The following BGN variants were observed in gnomAD, a reference collection of about 807,000 sequenced individuals.
The protein encoded by BGN is biglycan, also known as bone/cartilage proteoglycan-I.
Under a neutral mutation model 20.0 loss-of-function variants are expected in BGN, and 6 were observed. The ratio of observed to expected loss-of-function variants is 0.30; its 90% confidence interval spans 0.16 to 0.59. BGN has a LOEUF of 0.59. Among genes scored for constraint, BGN ranks in the 20% least tolerant of loss-of-function variants. The pLI is 0.88. For missense variants in BGN, 292 were observed against 312.1 expected, an observed-to-expected ratio of 0.94 and a Z score of 0.49; for synonymous variants, 146 against 134.6, an observed-to-expected ratio of 1.08 and a Z score of -0.59.
Position 153,505,366 on chromosome X carries a change from G to C in BGN, c.351+16G>C, listed in dbSNP as rs1602982604. 1 of 1,173,162 alleles carries C rather than the reference G, an allele frequency of 8.5e-7. No homozygotes were observed. The highest frequency in any genetic ancestry group is 3.0e-5 in the East Asian group (1 of 33,357). On this transcript the variant is annotated intron_variant, in intron 3 of 7. Coordinates refer to ENST00000331595, the MANE Select transcript of BGN (RefSeq NM_001711.6). The stretch of plus-strand genomic sequence containing the variant: ...GCACCTCTACGTAAGGAGCTGGGAG[G>C]AACCAGCAGGCCTACAGCAGAGGGC...
chrX:153,508,179 C>A, intron 7 of BGN, 69 bp from the exon 8 acceptor site: 1 of 1,129,579 alleles, frequency 8.9e-7, no homozygotes, highest in Non-Finnish European at 1.2e-6. Flanking sequence ...CAGCAAAATG[C>A]CTCCTGGAGG....
In BGN at chrX:153,506,928, G is replaced by A; in HGVS notation, c.770+5G>A. The A allele has an allele frequency of 8.3e-7, 1 of 1,210,357 alleles. No homozygotes were observed. Among genetic ancestry groups the A allele is most frequent in the South Asian group, 1.8e-5 (1 of 56,963 alleles). ...TCGCTACTCCAAGCTGTACAGGTGA[G>A]GCCAGCAGGGCACCGCCCAAGGGTG... On this transcript the variant is annotated splice_donor_5th_base_variant and intron_variant, in intron 6 of 7. Transcript: ENST00000331595.
At chrX:153,504,951 C>A in intron 2 of BGN, 82 bp downstream of exon 2, 2 of 962,089 alleles carry the variant, frequency 2.1e-6, no homozygotes, top group Non-Finnish European at 2.9e-6. Context: ...GGGACACATG[C>A]TGGTCCTGTG....
In BGN at chrX:153,508,259, G is replaced by A. The variant is rs1379935876; in HGVS notation, c.921G>A (p.Leu307=). ...PDLKLLQVVY[L]HSNNITKVGV... is the part of the protein sequence containing the mutation. ...CTCTCTGCCTTCAGGTGGTCTATCT[G>A]CACTCCAACAACATCACCAAAGTGG... The change falls in exon 8 of 8, where the codon CTG becomes CTA. Residue 307 remains leucine, a synonymous_variant. Coordinates refer to ENST00000331595, the MANE Select transcript of BGN (RefSeq NM_001711.6). The A allele has an allele frequency of 3.3e-6, 4 of 1,210,691 alleles. No homozygotes were observed. Among genetic ancestry groups the A allele is most frequent in the Non-Finnish European group, 4.5e-6 (4 of 895,285 alleles).
At chrX:153,505,736 T>A in intron 3 of BGN, 127 bp from the exon 4 acceptor site, 1 of 561,070 alleles carries the variant, frequency 1.8e-6, no homozygotes, top group East Asian at 3.8e-5. Flanking sequence ...TGCCCTGCAC[T>A]CTGCTCACAA....
At chrX:153,507,238 G>A (rs966698727) in intron 7 of BGN, 53 bp downstream of exon 7, 52 of 1,145,983 alleles carry the variant, frequency 4.5e-5, no homozygotes, top group Non-Finnish European at 5.5e-5. Flanking sequence ...TGGGGGAGGC[G>A]TGTGTGTCCC....
intron 1 of BGN, chrX:153,495,546 G>A (rs2089706395): frequency 8.9e-6 from 1 of 112,214 alleles, no homozygotes; most frequent in Admixed American, 9.3e-5. Flanking sequence ...GCTCTGCCCA[G>A]GCGCCTCCTT....
chrX:153,507,372 G>A (rs782773546), intron 7 of BGN, among the ~76,000 whole-genome samples, 187 bp downstream of exon 7: 37 of 112,761 alleles, frequency 3.3e-4, no homozygotes, highest in African/African-American at 1.0e-3. Flanking sequence ...GGTGGATACC[G>A]AGCAAGGCAG....
chrX:153,504,160 G>A (rs1241397982), intron 1 of BGN, among the ~76,000 whole-genome samples: 1 of 112,007 alleles, frequency 8.9e-6, no homozygotes, highest in East Asian at 2.8e-4. Flanking sequence ...GGATCGGCCC[G>A]GGTAGGAGGC....
At chrX:153,496,802 C>T (rs1556990854) in intron 1 of BGN, among the ~76,000 whole-genome samples, 2 of 111,725 alleles carry the variant, frequency 1.8e-5, no homozygotes, top group Non-Finnish European at 3.8e-5. Flanking sequence ...CCAGTGACAG[C>T]GCCAAGTCCC....
At chrX:153,507,561 C>A (rs782627369) in intron 7 of BGN, among the ~76,000 whole-genome samples, 4 of 113,006 alleles carry the variant, frequency 3.5e-5, no homozygotes, top group African/African-American at 6.4e-5. Flanking sequence ...GGGATTCTAT[C>A]GGGAGCTTCC....
Position 153,507,310 on chromosome X carries a change from C to T in BGN, c.909+125C>T, listed in dbSNP as rs1215919744. On this transcript the variant is annotated intron_variant, in intron 7 of 7. Coordinates refer to ENST00000331595, the MANE Select transcript of BGN (RefSeq NM_001711.6). ...CCGGCTCTGGGCATCTGCAAGGGAG[C>T]GGTCCTGATGCTCCCAGCTGGTGCT... 43 of 909,188 alleles carry T rather than the reference C, an allele frequency of 4.7e-5. 1 individual carries two copies. In the South Asian group the frequency reaches 8.2e-4, roughly 17 times the overall value. The allele number at this position is 909,188 out of a possible 1,213,427, so 74.9% of individuals were successfully genotyped here.
At chrX:153,497,050 C>T (rs1221423148) in intron 1 of BGN, among the ~76,000 whole-genome samples, 3 of 99,676 alleles carry the variant, frequency 3.0e-5, no homozygotes, top group African/African-American at 1.1e-4. Context: ...ACAGGCCTAG[C>T]CCCAGCCCTG....
At chrX:153,504,489 C>T (rs1274987754) in intron 1 of BGN, 132 bp from the exon 2 acceptor site, 1 of 544,993 alleles carries the variant, frequency 1.8e-6, no homozygotes, top group Non-Finnish European at 2.9e-6. Flanking sequence ...CTCTCCGCCT[C>T]CCGCTCCAGG....
chrX:153,496,087 G>A (rs1483295519), intron 1 of BGN, among the ~76,000 whole-genome samples: 2 of 111,666 alleles, frequency 1.8e-5, no homozygotes, highest in East Asian at 2.8e-4. Context: ...AGAGCAGGGG[G>A]CCCAGGGATC....
intron 1 of BGN, among the ~76,000 whole-genome samples, chrX:153,503,315 C>T (rs910048642): frequency 2.0e-4 from 22 of 112,281 alleles, no homozygotes; most frequent in Non-Finnish European, 7.5e-5. Context: ...CTGCTGGAGC[C>T]CCAGACAGCC....
rs11156580 is a variant in BGN, at chrX:153,505,004, G to A, written c.238+135G>A. 0.41 allele frequency: 299,231 copies of A among 730,839 alleles called. 43,838 individuals carry two copies. The highest frequency in any genetic ancestry group is 0.54 in the Admixed American group (17,660 of 32,920). The allele number at this position is 730,839 out of a possible 1,213,427, so 60.2% of individuals were successfully genotyped here. A position where few individuals can be genotyped will look rare whatever the true frequency, so the allele number is the denominator to read the frequency against. ...ATGTAAGTGTAGGAGGGGTCCAGCC[G>A]TCTGGCTGTGAGCTGTGCAGTTTGT... On this transcript the variant is annotated intron_variant, in intron 2 of 7. Transcript: ENST00000331595.
At chrX:153,500,113 C>T (rs1556991491) in intron 1 of BGN, among the ~76,000 whole-genome samples, 2 of 113,149 alleles carry the variant, frequency 1.8e-5, no homozygotes, top group Non-Finnish European at 3.7e-5. Flanking sequence ...GGCCTGAATG[C>T]CTGGCACGGA....
In BGN at chrX:153,504,811, C is replaced by T. The variant is rs371600846; in HGVS notation, c.180C>T (p.Ser60=). 5 of 1,209,779 alleles carry T rather than the reference C, an allele frequency of 4.1e-6. No homozygotes were observed. The highest frequency in any genetic ancestry group is 5.6e-6 in the Non-Finnish European group (5 of 895,273). ...CGGACTCTGTCACACCCACCTACAG[C>T]GCCATGTGTCCTTTCGGCTGCCACT... The part of the protein sequence containing the change: ...LDPDSVTPTY[S]AMCPFGCHCH... The change falls in exon 2 of 8, where the codon AGC becomes AGT. Residue 60 remains serine (S), a synonymous_variant. Coordinates refer to ENST00000331595, the MANE Select transcript of BGN (RefSeq NM_001711.6).
Sources: gnomAD v4.1 joint callset for allele counts (sites outside exome capture counted in the v4.1 genomes callset) on GRCh38, gnomAD v4.1.1 for gene constraint, MANE v1.5 for transcripts, NCBI Gene and HGNC (gene_info 2026-07-23, HGNC 2026-07-21) for gene names.